The following YME1L1 variants were observed in gnomAD, a reference collection of about 807,000 sequenced individuals.
YME1L1 encodes ATP-dependent zinc metalloprotease YME1L1.
A neutral mutation model predicts 90.4 loss-of-function variants in YME1L1; 39 were observed. The observed-to-expected ratio is 0.43, with a 90% CI of 0.33 to 0.56. The LOEUF (loss-of-function observed/expected upper bound fraction) is 0.56, where lower values mean the gene tolerates loss of function less well. YME1L1 is among the 20% of genes least tolerant of loss of function. YME1L1 has a pLI of 0.03. For missense variants in YME1L1, 617 were observed against 868.4 expected, an observed-to-expected ratio of 0.71 and a Z score of 3.64; for synonymous variants, 284 against 287.3, an observed-to-expected ratio of 0.99 and a Z score of 0.12.
chr10:27,116,861 A>G (rs1342359944), intron 15 of YME1L1, among the ~76,000 whole-genome samples: 1 of 151,940 alleles, frequency 6.6e-6, no homozygotes, highest in African/African-American at 2.4e-5. Flanking sequence ...GACTCCATCA[A>G]TATAAAATAA....
At position 27,119,638 on chromosome 10, in the gene YME1L1, A is replaced by G. The variant is rs573003770; in HGVS notation, c.1412-189T>C. ...ATCCTGGCCAACATGGTGAAACCCC[A>G]TCTCTACTAAAAATACAAAAATTAG... On this transcript the variant is annotated intron_variant, in intron 13 of 18. Transcript: ENST00000376016. Among the ~76,000 whole-genome samples the G allele has an allele frequency of 3.3e-5, 5 of 152,184 alleles. No homozygotes were observed. The South Asian group carries it at 1.0e-3, about 32-fold the overall frequency.
intron 9 of YME1L1, 72 bp from the exon 10 acceptor site, chr10:27,123,771 A>C: frequency 7.0e-7 from 1 of 1,436,812 alleles, no homozygotes; most frequent in Non-Finnish European, 9.3e-7. Flanking sequence ...CTATAAAATA[A>C]ATAATTATTC....
Position 27,134,159 on chromosome 10 carries a change from T to C in YME1L1, c.692-37A>G, listed in dbSNP as rs2057003598. 3.5e-6 allele frequency: 5 copies of C among 1,441,490 alleles called. No homozygotes were observed. The African/African-American group carries it at 4.3e-5, about 12-fold the overall frequency. The allele number at this position is 1,441,490 out of a possible 1,614,324, so 89.3% of individuals were successfully genotyped here. Reference sequence around the variant, plus strand: ...AGAAAAAGCTTTACATGAAATCACATTTATGAAATATGACAGCTCAATGAA... The same window carrying C: ...AGAAAAAGCTTTACATGAAATCACACTTATGAAATATGACAGCTCAATGAA... On this transcript the variant is annotated intron_variant, in intron 6 of 18. Coordinates refer to ENST00000376016, the MANE Select transcript of YME1L1 (RefSeq NM_014263.4).
At chr10:27,141,596 C>A (rs1473701832) in intron 4 of YME1L1, among the ~76,000 whole-genome samples, 1 of 129,154 alleles carries the variant, frequency 7.7e-6, no homozygotes, top group Admixed American at 8.9e-5. Flanking sequence ...AGACAGATGT[C>A]CCTCGACACA....
chr10:27,118,090 C>T (rs2056831628), intron 14 of YME1L1, among the ~76,000 whole-genome samples: 1 of 152,170 alleles, frequency 6.6e-6, no homozygotes, highest in Non-Finnish European at 1.5e-5. Flanking sequence ...ATCCCCACCC[C>T]TTCAGTGGAT....
At chr10:27,138,825 GA>G (rs201723895) in intron 4 of YME1L1, among the ~76,000 whole-genome samples, 45 of 148,692 alleles carry the variant, frequency 3.0e-4, no homozygotes, top group African/African-American at 9.1e-4. Context: ...AATTAATGCT[GA>G]AAAAAAAACC....
Position 27,110,598 on chromosome 10 carries a change from C to CA in YME1L1, c.*1378dup, listed in dbSNP as rs1204850870. The stretch of plus-strand genomic sequence containing the variant: ...TCCTATAACAGCATGTTCATATTCA[C>CA]AAAATCTGAATGAAAAGTAAACACA... On this transcript the variant is annotated 3_prime_UTR_variant, in exon 19 of 19. Transcript: ENST00000376016. The CA allele has an allele frequency of 6.6e-6, 1 of 152,122 alleles. No individual in the cohort carries two copies. The highest frequency in any genetic ancestry group is 2.4e-5 in the African/African-American group (1 of 41,426). The allele number at this position is 152,122 out of a possible 1,614,324, so 9.4% of individuals were successfully genotyped here. A position where few individuals can be genotyped will look rare whatever the true frequency, so the allele number is the denominator to read the frequency against.
At chr10:27,148,344 AGGC>A (rs1274937204) in intron 2 of YME1L1, among the ~76,000 whole-genome samples, 2 of 152,152 alleles carry the variant, frequency 1.3e-5, no homozygotes, top group African/African-American at 4.8e-5. Context: ...CTGGGACTAC[AGGC>A]GCACGCCACC....
rs149265609 is a variant in YME1L1, at chr10:27,150,716, C to A, written c.34-1676G>T. Among the ~76,000 whole-genome samples, 328 of 152,274 alleles carry A rather than the reference C, an allele frequency of 2.2e-3. 3 individuals carry two copies. Among genetic ancestry groups the A allele is most frequent in the African/African-American group, 7.5e-3 (312 of 41,570 alleles). ...ACATCAAGAAGTTACCCTATGTGGT[C>A]TAAAAAGGGGAGGAACCTTAGGGGT... On this transcript the variant is annotated intron_variant, in intron 1 of 18. Coordinates refer to ENST00000376016, the MANE Select transcript of YME1L1 (RefSeq NM_014263.4).
intron 4 of YME1L1, among the ~76,000 whole-genome samples, chr10:27,139,941 C>T (rs2057069158): frequency 6.6e-6 from 1 of 151,878 alleles, no homozygotes; most frequent in Admixed American, 6.6e-5. Context: ...AAAATGTTTG[C>T]TTTGTGTGTA....
At position 27,134,847 on chromosome 10, in the gene YME1L1, G is replaced by A; in HGVS notation, c.675C>T (p.Leu225=). 1 of 1,613,690 alleles carries A rather than the reference G, an allele frequency of 6.2e-7. No individual in the cohort carries two copies. Among genetic ancestry groups the A allele is most frequent in the African/African-American group, 1.3e-5 (1 of 74,998 alleles). ...FAEGFLKAQA[L]TQKTNDSLRR... ...TCAACTTACCATTGGTTTTTTGTGT[G>A]AGTGCTTGAGCTTTCAGAAAACCTT... The change falls in exon 6 of 19, where the codon CTC becomes CTT. Residue 225 remains leucine, a synonymous_variant. Transcript: ENST00000376016.
At chr10:27,145,627 T>A in intron 2 of YME1L1, 37 bp from the exon 3 acceptor site, 1 of 1,550,064 alleles carries the variant, frequency 6.5e-7, no homozygotes, top group Non-Finnish European at 8.8e-7. Context: ...TGCATTAATA[T>A]TATCAAGATA....
chr10:27,152,915 CAT>C (rs1360691956), intron 1 of YME1L1, among the ~76,000 whole-genome samples: 1 of 152,196 alleles, frequency 6.6e-6, no homozygotes, highest in Non-Finnish European at 1.5e-5. Flanking sequence ...AAAATCTAAT[CAT>C]GTTTTAAAAC....
chr10:27,140,275 G>A (rs1038758810), intron 4 of YME1L1, among the ~76,000 whole-genome samples: 1 of 152,144 alleles, frequency 6.6e-6, no homozygotes, highest in East Asian at 1.9e-4. Flanking sequence ...AAAGTGCTGG[G>A]ATTACAGGCA....
chr10:27,132,035 T>C (rs1475626431), intron 7 of YME1L1, 94 bp from the exon 8 acceptor site: 22 of 964,456 alleles, frequency 2.3e-5, no homozygotes, highest in Admixed American at 7.6e-5. Context: ...CCTAGAAAAA[T>C]TAAATGTCTA....
chr10:27,137,908 G>A (rs1261649007), intron 4 of YME1L1, among the ~76,000 whole-genome samples: 1 of 152,052 alleles, frequency 6.6e-6, no homozygotes, highest in Non-Finnish European at 1.5e-5. Context: ...TATTAGCTCA[G>A]TGCAGCCATA....
chr10:27,138,425 G>A (rs548536318), intron 4 of YME1L1, among the ~76,000 whole-genome samples: 3 of 152,110 alleles, frequency 2.0e-5, no homozygotes, highest in South Asian at 2.1e-4. Flanking sequence ...TGATACTGTT[G>A]TAATACCTAG....
At chr10:27,150,535 G>C (rs181384576) in intron 1 of YME1L1, among the ~76,000 whole-genome samples, 312 of 152,316 alleles carry the variant, frequency 2.0e-3, no homozygotes, top group African/African-American at 7.3e-3. Flanking sequence ...GATAAAACAG[G>C]TTGTAGTAAG....
rs945372905 is a variant in YME1L1 at position 27,111,779 on chromosome 10, A to G, written c.*198T>C. On this transcript the variant is annotated 3_prime_UTR_variant, in exon 19 of 19. Transcript: ENST00000376016. ...TTTATTTTTTCAAAATATATTTGCC[A>G]TGGGATGCTAATTTGCAATAGGTGT... The G allele has an allele frequency of 3.0e-5, 21 of 703,198 alleles. No homozygotes were observed. The highest frequency in any genetic ancestry group is 5.1e-6 in the Non-Finnish European group (2 of 393,396). The allele number at this position is 703,198 out of a possible 1,614,324, so 43.6% of individuals were successfully genotyped here. A position where few individuals can be genotyped will look rare whatever the true frequency, so the allele number is the denominator to read the frequency against.
Sources: allele counts gnomAD v4.1 joint callset (sites outside exome capture counted in the v4.1 genomes callset), GRCh38; gene constraint gnomAD v4.1.1; transcripts MANE v1.5; gene names NCBI Gene and HGNC (gene_info 2026-07-23, HGNC 2026-07-21).